AJAP1: variants seen among roughly 807,000 people sequenced by gnomAD.
AJAP1 encodes the protein adherens junctions associated protein 1, also known as adherens junction-associated protein 1.
In AJAP1, 5 loss-of-function variants were observed where a neutral mutation model predicts 35.0. That is an observed-to-expected ratio of 0.14 (90% CI 0.07 to 0.30). The LOEUF (loss-of-function observed/expected upper bound fraction) is 0.30. Ranked by LOEUF, AJAP1 falls within the 10% of genes least tolerant of loss-of-function variation. AJAP1 has a pLI of 1.00. For missense variants in AJAP1, 586 were observed against 571.0 expected (o/e 1.03, Z -0.27); for synonymous variants, 284 against 249.3 (o/e 1.14, Z -1.31).
At chr1:4,753,407 G>A (rs771220055) in intron 2 of AJAP1, among the ~76,000 whole-genome samples, 9 of 146,998 alleles carry the variant, frequency 6.1e-5, no homozygotes, top group Admixed American at 5.3e-4. Flanking sequence ...GAATTAGCAG[G>A]AATTTACTCC....
At chr1:4,663,590 G>A (rs893594026) in intron 1 of AJAP1, among the ~76,000 whole-genome samples, 6 of 152,288 alleles carry the variant, frequency 3.9e-5, no homozygotes, top group East Asian at 1.9e-4. Flanking sequence ...GGAGGGTGGC[G>A]CCTGGAGGAG....
chr1:4,775,762 C>T (rs1641928272), intron 5 of AJAP1, among the ~76,000 whole-genome samples: 1 of 152,226 alleles, frequency 6.6e-6, no homozygotes, highest in Non-Finnish European at 1.5e-5. Flanking sequence ...AGCTGCCCTG[C>T]AAGGGCCTTT....
At chr1:4,780,705 C>T (rs1445288153) in intron 5 of AJAP1, among the ~76,000 whole-genome samples, 1 of 148,784 alleles carries the variant, frequency 6.7e-6, no homozygotes, top group Non-Finnish European at 1.5e-5. Flanking sequence ...CATCTCGGCT[C>T]ACTGCAACCT....
chr1:4,674,106 T>C (rs1639310855), intron 1 of AJAP1, among the ~76,000 whole-genome samples: 1 of 149,062 alleles, frequency 6.7e-6, no homozygotes, highest in Admixed American at 6.6e-5. Flanking sequence ...CAAATGTTAC[T>C]GGGCATTCTA....
At chr1:4,776,655 G>T (rs968197917) in intron 5 of AJAP1, among the ~76,000 whole-genome samples, 5 of 152,226 alleles carry the variant, frequency 3.3e-5, no homozygotes, top group Non-Finnish European at 7.3e-5. Context: ...GCAGCATGGG[G>T]CACTGAAGAC....
At chr1:4,725,303 G>A (rs1382887561) in intron 2 of AJAP1, among the ~76,000 whole-genome samples, 16 of 152,178 alleles carry the variant, frequency 1.1e-4, no homozygotes, top group South Asian at 2.1e-4. Flanking sequence ...CTCACTTCCC[G>A]TGTGTGGGGA....
chr1:4,698,421 C>T (rs1639915218), intron 1 of AJAP1, among the ~76,000 whole-genome samples: 1 of 152,220 alleles, frequency 6.6e-6, no homozygotes, highest in Non-Finnish European at 1.5e-5. Flanking sequence ...TGGTGATGTT[C>T]ACAGCAGGAT....
intron 2 of AJAP1, among the ~76,000 whole-genome samples, chr1:4,736,031 G>A (rs974483573): frequency 1.3e-4 from 20 of 152,332 alleles, no homozygotes; most frequent in Middle Eastern, 3.4e-3. Flanking sequence ...TGCCTTACCT[G>A]CGCCTTACTT....
chr1:4,693,747 C>T lies in AJAP1; in HGVS notation c.30-18153C>T, dbSNP rs922138417. Among the ~76,000 whole-genome samples the T allele has an allele frequency of 6.6e-6, 1 of 152,164 alleles. No homozygotes were observed. The highest frequency in any genetic ancestry group is 6.5e-5 in the Admixed American group (1 of 15,282). Reference sequence around the variant, plus strand: ...GCCCACGTCTCGCTGGGGCTTCTTGCTGTGTAATCCCGTGGTGGAAGCAGG... The same window carrying T: ...GCCCACGTCTCGCTGGGGCTTCTTGTTGTGTAATCCCGTGGTGGAAGCAGG... On this transcript the variant is annotated intron_variant, in intron 1 of 5. Coordinates refer to ENST00000378191, the MANE Select transcript of AJAP1 (RefSeq NM_018836.4). This position sits in a 1 kb window ranked among gnomAD's most constrained non-coding sequence, Gnocchi z 4.4.
Position 4,655,631 on chromosome 1 carries a change from G to T in AJAP1, c.29+177G>T, listed in dbSNP as rs1031808395. On this transcript the variant is annotated intron_variant, in intron 1 of 5. Transcript: ENST00000378191. This position sits in a 1 kb window ranked among gnomAD's most constrained non-coding sequence, Gnocchi z 6.9. Reference sequence around the variant, plus strand: ...CGCCCGGAGCCTGGAGCAGCACCGCGGCCCTGGCGGGGAGCGGCCGGGTCT... The same window carrying T: ...CGCCCGGAGCCTGGAGCAGCACCGCTGCCCTGGCGGGGAGCGGCCGGGTCT... Among the ~76,000 whole-genome samples, 2 of 151,328 alleles carry T rather than the reference G, an allele frequency of 1.3e-5. No individual in the cohort carries two copies. The highest frequency in any genetic ancestry group is 1.3e-4 in the Admixed American group (2 of 15,208).
At chr1:4,685,492 T>C (rs1639584756) in intron 1 of AJAP1, among the ~76,000 whole-genome samples, 1 of 152,226 alleles carries the variant, frequency 6.6e-6, no homozygotes, top group African/African-American at 2.4e-5. Context: ...TGATGGTTTA[T>C]TTGCAAATGG....
At chr1:4,676,405 A>G (rs566848762) in intron 1 of AJAP1, among the ~76,000 whole-genome samples, 1 of 152,330 alleles carries the variant, frequency 6.6e-6, no homozygotes, top group Non-Finnish European at 1.5e-5. Flanking sequence ...GGTGCATCAC[A>G]GAACGTGAAG....
At chr1:4,713,584 C>G (rs903709274) in intron 2 of AJAP1, among the ~76,000 whole-genome samples, 1 of 152,254 alleles carries the variant, frequency 6.6e-6, no homozygotes, top group Non-Finnish European at 1.5e-5. Context: ...CCAGGCTTCA[C>G]AGCAGGCCTG....
In AJAP1 at chr1:4,772,493, G is replaced by A. The variant is rs763420065; in HGVS notation, c.1131G>A (p.Thr377=). ...CCGATGAGACGCTGCACTCGACGAC[G>A]GGGGAGTACAAATCCACATTTAATG... ...VYTDETLHST[T]GEYKSTFNGN... is the part of the protein sequence containing the mutation. The change falls in exon 4 of 6, where the codon ACG becomes ACA. Residue 377 remains threonine (T), a synonymous_variant. Transcript: ENST00000378191. 2.3e-5 allele frequency: 37 copies of A among 1,614,024 alleles called. No homozygotes were observed. Among genetic ancestry groups the A allele is most frequent in the South Asian group, 1.4e-4 (13 of 91,074 alleles).
intron 2 of AJAP1, among the ~76,000 whole-genome samples, chr1:4,716,352 C>T (rs952067857): frequency 2.6e-5 from 4 of 152,204 alleles, no homozygotes; most frequent in African/African-American, 9.7e-5. Context: ...TGCTTGTCCT[C>T]TCTGTGCCAG....
intron 1 of AJAP1, among the ~76,000 whole-genome samples, chr1:4,696,960 G>A (rs887716975): frequency 6.6e-6 from 1 of 152,018 alleles, no homozygotes. Context: ...CTGTGTGTAT[G>A]TGTGTCTCTG....
rs190550671 is a variant in AJAP1, at chr1:4,681,212, G to A, written c.29+25758G>A. Among the ~76,000 whole-genome samples, 557 of 152,286 alleles carry A rather than the reference G, an allele frequency of 3.7e-3. 1 individual carries two copies. The highest frequency in any genetic ancestry group is 0.012 in the African/African-American group (499 of 41,546). On this transcript the variant is annotated intron_variant, in intron 1 of 5. Coordinates refer to ENST00000378191, the MANE Select transcript of AJAP1 (RefSeq NM_018836.4). Reference sequence around the variant, plus strand: ...ATGCCCCACTGTTAACCCGCAGCCCGCTAAATGCCCGCAGTGTTTGGTAAA... The same window carrying A: ...ATGCCCCACTGTTAACCCGCAGCCCACTAAATGCCCGCAGTGTTTGGTAAA...
chr1:4,742,956 C>T (rs61766964), intron 2 of AJAP1, among the ~76,000 whole-genome samples: 7 of 152,308 alleles, frequency 4.6e-5, no homozygotes, highest in South Asian at 2.1e-4. Context: ...CAGATTTCAA[C>T]GTCAAGTTGC....
intron 2 of AJAP1, among the ~76,000 whole-genome samples, chr1:4,738,293 A>G (rs889264282): frequency 4.6e-5 from 7 of 152,240 alleles, no homozygotes; most frequent in African/African-American, 1.7e-4. Context: ...ATTCACTCAA[A>G]TAAATGCGTA....
Sources: gnomAD v4.1 joint callset for allele counts (sites outside exome capture counted in the v4.1 genomes callset) on GRCh38, gnomAD v4.1.1 for gene constraint, Gnocchi (gnomAD v3.1) non-coding constraint, MANE v1.5 for transcripts, NCBI Gene and HGNC (gene_info 2026-07-23, HGNC 2026-07-21) for gene names.